ANO2: variants seen among roughly 807,000 people sequenced by gnomAD.
The protein encoded by ANO2 is anoctamin 2.
A neutral mutation model predicts 124.2 loss-of-function variants in ANO2; 101 were observed. The observed-to-expected ratio is 0.81, with a 90% CI of 0.69 to 0.96. The LOEUF is 0.96. Among genes scored for constraint, ANO2 ranks in the 40% least tolerant of loss-of-function variants. The pLI, the probability that ANO2 is intolerant of heterozygous loss-of-function variation, is 0.00. For missense variants in ANO2, 1,293 were observed against 1,274.5 expected (o/e 1.01, Z -0.22); for synonymous variants, 486 against 482.5 (o/e 1.01, Z -0.09).
At chr12:5,847,280 G>A (rs1463652263) in intron 4 of ANO2, among the ~76,000 whole-genome samples, 2 of 152,112 alleles carry the variant, frequency 1.3e-5, no homozygotes, top group African/African-American at 4.8e-5. Context: ...TCAGTTCTTG[G>A]GTCTTGAGGC....
intron 22 of ANO2, among the ~76,000 whole-genome samples, chr12:5,577,599 G>A (rs866772286): frequency 2.6e-5 from 4 of 152,358 alleles, no homozygotes; most frequent in Middle Eastern, 6.8e-3. Flanking sequence ...TCCAGGTATT[G>A]TTTAACTCAG....
chr12:5,827,961 T>TC, intron 6 of ANO2, 141 bp from the exon 7 acceptor site: 1 of 846,060 alleles, frequency 1.2e-6, no homozygotes, highest in Non-Finnish European at 1.8e-6. Context: ...TGTGCCTGGC[T>TC]CATGGCCCGC....
chr12:5,714,111 T>C (rs910537752), intron 14 of ANO2, among the ~76,000 whole-genome samples: 2 of 152,358 alleles, frequency 1.3e-5, no homozygotes, highest in South Asian at 2.1e-4. Flanking sequence ...TTCTGGCCCA[T>C]TCTTTTCACT....
In ANO2 at chr12:5,612,987, G is replaced by C. The variant is rs772011104; in HGVS notation, c.1929-29C>G. 6.8e-6 allele frequency: 11 copies of C among 1,612,296 alleles called. No individual in the cohort carries two copies. In the East Asian group the frequency reaches 2.5e-4, roughly 36 times the overall value. Reference sequence around the variant, plus strand: ...AAATCAAACAGTGTGGGAAGAGTTAGGGGAAGAGAAAGCATGCAGGGTGGC... The same window carrying C: ...AAATCAAACAGTGTGGGAAGAGTTACGGGAAGAGAAAGCATGCAGGGTGGC... On this transcript the variant is annotated intron_variant, in intron 17 of 24. Coordinates refer to ENST00000682330, the MANE Select transcript of ANO2 (RefSeq NM_001364791.2).
At position 5,568,758 on chromosome 12, in the gene ANO2, G is replaced by A. The variant is rs78026629; in HGVS notation, c.2622-3095C>T. Among the ~76,000 whole-genome samples the A allele has an allele frequency of 1.2e-3, 186 of 152,174 alleles. 6 individuals are homozygous for A. The East Asian group carries it at 0.034, about 27-fold the overall frequency. ...TCTAAACCCAGTGCTTAGCACTGGC[G>A]ACAGTTCGTGCTTTGGAGGTAGCAG... On this transcript the variant is annotated intron_variant, in intron 23 of 24. Coordinates refer to ENST00000682330, the MANE Select transcript of ANO2 (RefSeq NM_001364791.2).
At chr12:5,944,067 G>T (rs1338996344) in intron 1 of ANO2, among the ~76,000 whole-genome samples, 1 of 152,238 alleles carries the variant, frequency 6.6e-6, no homozygotes, top group African/African-American at 2.4e-5. Flanking sequence ...TTGCTGGAAA[G>T]GATCGAATCA....
At position 5,919,184 on chromosome 12, in the gene ANO2, G is replaced by C. The variant is rs146189018; in HGVS notation, c.534+1856C>G. Among the ~76,000 whole-genome samples, 32 of 152,306 alleles carry C rather than the reference G, an allele frequency of 2.1e-4. No homozygotes were observed. The East Asian group carries it at 6.0e-3, about 28-fold the overall frequency. On this transcript the variant is annotated intron_variant, in intron 3 of 24. Transcript: ENST00000682330. ...TCGAGGGACAGAGAGGGACGGGGTG[G>C]GGGTATTTTGGCTAGGATGGTCAGG...
chr12:5,610,613 ATGT>A (rs1944471274), intron 19 of ANO2, among the ~76,000 whole-genome samples: 1 of 142,934 alleles, frequency 7.0e-6, no homozygotes, highest in African/African-American at 2.5e-5. Context: ...ATATTTATAT[ATGT>A]ATATATTTAT....
At chr12:5,624,172 G>A (rs1945270728) in intron 16 of ANO2, among the ~76,000 whole-genome samples, 1 of 151,892 alleles carries the variant, frequency 6.6e-6, no homozygotes, top group Admixed American at 6.5e-5. Context: ...AGCAGCCTAG[G>A]CCAGGGTGAC....
chr12:5,668,395 G>GTTTTTTTTTTTTTTTTTTTT (rs539092061), intron 14 of ANO2, among the ~76,000 whole-genome samples: 2 of 149,108 alleles, frequency 1.3e-5, no homozygotes, highest in African/African-American at 4.9e-5. Flanking sequence ...ACTTTTTAAT[G>GTTTTTTTTTTTTTTTTTTTT]TTTTTTTTTT....
At chr12:5,724,672 G>A (rs1255231668) in intron 14 of ANO2, among the ~76,000 whole-genome samples, 3 of 152,160 alleles carry the variant, frequency 2.0e-5, no homozygotes, top group East Asian at 3.8e-4. Flanking sequence ...TTGTCCCCAG[G>A]GTGATGAACT....
Position 5,912,553 on chromosome 12 carries a change from C to T in ANO2, c.534+8487G>A, listed in dbSNP as rs539569129. On this transcript the variant is annotated intron_variant, in intron 3 of 24. Coordinates refer to ENST00000682330, the MANE Select transcript of ANO2 (RefSeq NM_001364791.2). The stretch of plus-strand genomic sequence containing the variant: ...CTGGATTTGGGGGCTTGGAGGCTTG[C>T]CTTGCCCCTCCCTGCTTTCCCTGTG... Among the ~76,000 whole-genome samples the T allele has an allele frequency of 9.2e-5, 14 of 152,276 alleles. 1 individual carries two copies. Among genetic ancestry groups the T allele is most frequent in the African/African-American group, 3.4e-4 (14 of 41,552 alleles).
chr12:5,924,054 C>A (rs1176537105), intron 1 of ANO2, among the ~76,000 whole-genome samples: 1 of 152,210 alleles, frequency 6.6e-6, no homozygotes, highest in Non-Finnish European at 1.5e-5. Context: ...TGATTAGAAT[C>A]GTTAGTGTTT....
chr12:5,902,198 C>T (rs111400615), intron 3 of ANO2, among the ~76,000 whole-genome samples: 1,783 of 152,240 alleles, frequency 0.012, 42 homozygotes, highest in African/African-American at 0.041. Flanking sequence ...AAAAAGCAGA[C>T]CAATTAGGTT....
chr12:5,638,237 C>CTTTTTTTTTTTTTTTTTT lies in ANO2; in HGVS notation c.1621-2891_1621-2890insAAAAAAAAAAAAAAAAAA, dbSNP rs35224024. ...ATCTTCACTAGCACTGTTTCTTTTC[C>CTTTTTTTTTTTTTTTTTT]TTTTTTTTTTTTTTTTGAGACGGAG... is the stretch of plus-strand genomic sequence containing the variant. On this transcript the variant is annotated intron_variant, in intron 15 of 24. Coordinates refer to ENST00000682330, the MANE Select transcript of ANO2 (RefSeq NM_001364791.2). 4.8e-5 allele frequency among the ~76,000 whole-genome samples: 6 copies of CTTTTTTTTTTTTTTTTTT among 124,850 alleles called. 1 individual carries two copies. The highest frequency in any genetic ancestry group is 1.6e-4 in the Admixed American group (2 of 12,248). The allele number at this position is 124,850 out of a possible 152,430, so 81.9% of individuals were successfully genotyped here.
Position 5,563,250 on chromosome 12 carries a change from A to T in ANO2, c.*49T>A. The T allele has an allele frequency of 6.4e-7, 1 of 1,555,244 alleles. No individual in the cohort carries two copies. Among genetic ancestry groups the T allele is most frequent in the Non-Finnish European group, 8.7e-7 (1 of 1,155,948 alleles). ...TGGGTGTAGGAACATGCTTACGTGC[A>T]TGTGCGTGTCTCTGCTGCCGTGCCC... On this transcript the variant is annotated 3_prime_UTR_variant, in exon 25 of 25. Transcript: ENST00000682330.
chr12:5,578,346 C>T lies in ANO2; in HGVS notation c.2386+20G>A, dbSNP rs372130190. The T allele has an allele frequency of 5.1e-5, 82 of 1,608,872 alleles. No individual in the cohort carries two copies. Among genetic ancestry groups the T allele is most frequent in the Non-Finnish European group, 6.5e-5 (77 of 1,176,830 alleles). ...TGGCAGAAGGATGGGCCTGGTGGGGCCTCTAAGTGGGGCACGTACCGATAT... is the reference window on the plus strand; with the variant it reads ...TGGCAGAAGGATGGGCCTGGTGGGGTCTCTAAGTGGGGCACGTACCGATAT... On this transcript the variant is annotated intron_variant, in intron 21 of 24. Transcript: ENST00000682330.
chr12:5,573,516 C>T (rs765101520), intron 23 of ANO2, among the ~76,000 whole-genome samples: 2 of 152,176 alleles, frequency 1.3e-5, no homozygotes, highest in African/African-American at 2.4e-5. Flanking sequence ...GGAAAGGCCT[C>T]GAGCTGGTCC....
rs937680749 is a variant in ANO2, at chr12:5,636,752, TTTGCAAGCAG to T, written c.1621-1415_1621-1406del. Among the ~76,000 whole-genome samples the T allele has an allele frequency of 2.6e-5, 4 of 151,866 alleles. No homozygotes were observed. The highest frequency in any genetic ancestry group is 4.4e-5 in the Non-Finnish European group (3 of 67,958). ...TGGGGGCCTCTGGCTTGGGCAGTGC[TTTGCAAGCAG>T]TGTGAATGACACTCCAGTGGCTTGC... On this transcript the variant is annotated intron_variant, in intron 15 of 24. Coordinates refer to ENST00000682330, the MANE Select transcript of ANO2 (RefSeq NM_001364791.2). The surrounding 1 kb of genome is among the most constrained non-coding windows in gnomAD (Gnocchi z 4.6).
Sources: gnomAD v4.1 joint callset for allele counts (sites outside exome capture counted in the v4.1 genomes callset) on GRCh38, gnomAD v4.1.1 for gene constraint, Gnocchi (gnomAD v3.1) non-coding constraint, MANE v1.5 for transcripts, NCBI Gene and HGNC (gene_info 2026-07-23, HGNC 2026-07-21) for gene names.